The following MOSMO variants were observed in gnomAD, a reference collection of about 807,000 sequenced individuals.
MOSMO encodes modulator of smoothened protein.
In MOSMO, 5 loss-of-function variants were observed where a neutral mutation model predicts 18.4. The observed-to-expected ratio is 0.27, with a 90% CI of 0.14 to 0.57. The LOEUF (loss-of-function observed/expected upper bound fraction) is 0.57, where lower values mean the gene tolerates loss of function less well. MOSMO is among the 20% of genes least tolerant of loss of function. The pLI is 0.92. For missense variants in MOSMO, 138 were observed against 211.8 expected (o/e 0.65, Z 2.16); for synonymous variants, 82 against 82.3 (o/e 1.00, Z 0.02).
intron 1 of MOSMO, among the ~76,000 whole-genome samples, chr16:22,042,738 C>A (rs1900233343): frequency 6.6e-6 from 1 of 152,212 alleles, no homozygotes; most frequent in Non-Finnish European, 1.5e-5. Context: ...AGGAAACCAA[C>A]CTGCTGAGTT....
intron 1 of MOSMO, among the ~76,000 whole-genome samples, chr16:22,037,475 A>G (rs1900130455): frequency 6.6e-6 from 1 of 152,182 alleles, no homozygotes; most frequent in African/African-American, 2.4e-5. Flanking sequence ...TACGGCAAGT[A>G]TCAGCTGGGT....
intron 1 of MOSMO, among the ~76,000 whole-genome samples, chr16:22,060,612 C>A (rs970458525): frequency 6.6e-6 from 1 of 152,168 alleles, no homozygotes; most frequent in Non-Finnish European, 1.5e-5. Flanking sequence ...GTGGCTCACA[C>A]CTGTAATCCC....
chr16:22,042,055 C>A (rs944892929), intron 1 of MOSMO, among the ~76,000 whole-genome samples: 8 of 152,088 alleles, frequency 5.3e-5, no homozygotes, highest in African/African-American at 1.9e-4. Flanking sequence ...AACTGAGTTT[C>A]CAGGAGATTT....
At chr16:22,054,714 C>T (rs1032750136) in intron 1 of MOSMO, among the ~76,000 whole-genome samples, 1 of 152,184 alleles carries the variant, frequency 6.6e-6, no homozygotes, top group Non-Finnish European at 1.5e-5. Context: ...TCACCAAAAC[C>T]TTTATTCAGG....
chr16:22,080,574 G>C, intron 2 of MOSMO, 122 bp from the exon 3 acceptor site: 1 of 559,818 alleles, frequency 1.8e-6, no homozygotes, highest in East Asian at 3.5e-5. Context: ...TTTTTAACAA[G>C]TGGTCCATGT....
intron 1 of MOSMO, among the ~76,000 whole-genome samples, chr16:22,009,350 G>A (rs933489561): frequency 2.0e-5 from 3 of 152,104 alleles, no homozygotes; most frequent in Non-Finnish European, 4.4e-5. Flanking sequence ...ACGGAGCTGT[G>A]GGCGGGAGAG....
chr16:22,087,199 T>C (rs932485287), downstream of MOSMO: 2 of 152,342 alleles, frequency 1.3e-5, no homozygotes, highest in African/African-American at 4.8e-5. Context: ...TTGTGGGTTC[T>C]CTGCTGTCTT....
At chr16:22,016,703 A>G (rs758352745) in intron 1 of MOSMO, among the ~76,000 whole-genome samples, 12 of 152,176 alleles carry the variant, frequency 7.9e-5, no homozygotes, top group Non-Finnish European at 1.6e-4. Flanking sequence ...TCCCTGTCCT[A>G]CTATTTACGA....
At chr16:22,068,035 AGT>A (rs1331328517) in intron 1 of MOSMO, among the ~76,000 whole-genome samples, 1 of 152,254 alleles carries the variant, frequency 6.6e-6, no homozygotes, top group Non-Finnish European at 1.5e-5. Context: ...GAAATACTAA[AGT>A]GTGTCCACAG....
At chr16:22,051,242 G>A (rs1317581702) in intron 1 of MOSMO, among the ~76,000 whole-genome samples, 3 of 151,892 alleles carry the variant, frequency 2.0e-5, no homozygotes, top group East Asian at 1.9e-4. Flanking sequence ...ACAAAAATTA[G>A]CCGAGCATGG....
At chr16:22,026,641 G>A (rs949982011) in intron 1 of MOSMO, among the ~76,000 whole-genome samples, 2 of 152,184 alleles carry the variant, frequency 1.3e-5, no homozygotes, top group East Asian at 1.9e-4. Flanking sequence ...TGCTTTTTAC[G>A]TGAAATAGCG....
chr16:22,015,074 T>G (rs79417133), intron 1 of MOSMO, among the ~76,000 whole-genome samples: 245 of 152,250 alleles, frequency 1.6e-3, no homozygotes, highest in African/African-American at 5.5e-3. Context: ...TTCAGAACAT[T>G]TTCATTACTC....
At chr16:22,010,981 AG>A (rs1899515437) in intron 1 of MOSMO, among the ~76,000 whole-genome samples, 1 of 152,048 alleles carries the variant, frequency 6.6e-6, no homozygotes, top group South Asian at 2.1e-4. Context: ...GAAGAAAGCA[AG>A]GATAGAATGA....
intron 1 of MOSMO, among the ~76,000 whole-genome samples, chr16:22,042,894 C>T (rs1900237363): frequency 6.6e-6 from 1 of 152,228 alleles, no homozygotes; most frequent in South Asian, 2.1e-4. Context: ...GAAACTGAGA[C>T]TCACATGCCT....
chr16:22,042,767 A>G (rs1194862103), intron 1 of MOSMO, among the ~76,000 whole-genome samples: 1 of 152,184 alleles, frequency 6.6e-6, no homozygotes, highest in Non-Finnish European at 1.5e-5. Context: ...GCTCGCAAAA[A>G]CGGGAGTCCG....
chr16:22,014,917 A>AT (rs937091678), intron 1 of MOSMO, among the ~76,000 whole-genome samples: 2 of 152,042 alleles, frequency 1.3e-5, no homozygotes, highest in Non-Finnish European at 2.9e-5. Context: ...TTTCCAGTAA[A>AT]TTTTTTTTAA....
At position 22,080,713 on chromosome 16, in the gene MOSMO, G is replaced by T; in HGVS notation, c.337G>T (p.Ala113Ser). The T allele has an allele frequency of 6.7e-7, 1 of 1,494,142 alleles. No individual in the cohort carries two copies. Among genetic ancestry groups the T allele is most frequent in the Non-Finnish European group, 8.9e-7 (1 of 1,129,914 alleles). The allele number at this position is 1,494,142 out of a possible 1,614,324, so 92.6% of individuals were successfully genotyped here. Residue 113 changes from alanine to serine, a missense_variant, in exon 3 of 3, where the codon GCT (alanine) becomes TCT (serine). Transcript: ENST00000542527. ...TTTTACAGTGATCCTTTTCTGTATG[G>T]CTGCCCTAATATTTCCAATAGGATT... ...AFTGMILFCM[A>S]ALIFPIGFYI...
downstream of MOSMO, among the ~76,000 whole-genome samples, chr16:22,090,952 A>G (rs1341134112): frequency 1.3e-5 from 2 of 152,120 alleles, no homozygotes; most frequent in Non-Finnish European, 2.9e-5. Flanking sequence ...CTTTACTTCT[A>G]TGCACAGTGT....
chr16:22,092,396 G>A (rs1246698131), downstream of MOSMO: 2 of 433,696 alleles, frequency 4.6e-6, no homozygotes, highest in African/African-American at 2.0e-5. Flanking sequence ...AGAGTGACCT[G>A]GGAGAAGTGG....
Sources: gnomAD v4.1 joint callset for allele counts (sites outside exome capture counted in the v4.1 genomes callset) on GRCh38, gnomAD v4.1.1 for gene constraint, MANE v1.5 for transcripts, NCBI Gene and HGNC (gene_info 2026-07-23, HGNC 2026-07-21) for gene names.